The following FAAH2 variants were observed in gnomAD, a reference collection of about 807,000 sequenced individuals.
FAAH2 encodes fatty-acid amide hydrolase 2.
FAAH2 carries 60 observed loss-of-function variants against 36.9 expected under a neutral mutation model. That is an observed-to-expected ratio of 1.63 (90% CI 1.32 to 2.02). FAAH2 has a LOEUF of 2.02. Among genes scored for constraint, FAAH2 ranks in the 30% most tolerant of loss-of-function variants. The probability of loss-of-function intolerance (pLI) is 0.00; values close to 1 mark genes in which losing one functional copy is unlikely to be tolerated. For synonymous variants in FAAH2, 214 were observed against 143.8 expected (o/e 1.49, Z -3.49); for missense variants, 689 against 397.5 (o/e 1.73, Z -6.23).
At chrX:57,362,516 T>A (rs1210142437) in intron 5 of FAAH2, among the ~76,000 whole-genome samples, 2 of 111,848 alleles carry the variant, frequency 1.8e-5, no homozygotes, top group Non-Finnish European at 3.8e-5. Flanking sequence ...GTCAGATACA[T>A]AGTTTGCAAA....
chrX:57,484,234 C>G (rs2057433384), intron 10 of FAAH2, among the ~76,000 whole-genome samples: 1 of 111,129 alleles, frequency 9.0e-6, no homozygotes, highest in Non-Finnish European at 1.9e-5. Flanking sequence ...TGAGCTAGAT[C>G]GTGGTGTTCC....
chrX:57,441,226 G>C (rs200811399), intron 8 of FAAH2, among the ~76,000 whole-genome samples: 3 of 111,239 alleles, frequency 2.7e-5, no homozygotes, highest in African/African-American at 9.8e-5. Context: ...CTATGAATCT[G>C]TCTGGTTCTG....
intron 3 of FAAH2, among the ~76,000 whole-genome samples, chrX:57,316,353 T>A: frequency 1.8e-5 from 2 of 111,975 alleles, no homozygotes; most frequent in African/African-American, 6.5e-5. Flanking sequence ...CCAAAGACAT[T>A]TTTCAAAGAA....
intron 7 of FAAH2, among the ~76,000 whole-genome samples, chrX:57,426,175 T>TA (rs1184459197): frequency 1.8e-5 from 2 of 111,257 alleles, no homozygotes; most frequent in African/African-American, 3.3e-5. Flanking sequence ...TCAAGAACAG[T>TA]AAAAAAAGGT....
the FAAH2 span, among the ~76,000 whole-genome samples, chrX:57,212,095 G>A: frequency 9.0e-6 from 1 of 111,461 alleles, no homozygotes; most frequent in South Asian, 3.8e-4. Flanking sequence ...AGCCAGGCCT[G>A]TAGGTGGCAA....
the FAAH2 span, among the ~76,000 whole-genome samples, chrX:57,189,506 C>T: frequency 5.6e-4 from 61 of 109,715 alleles, no homozygotes; most frequent in African/African-American, 1.9e-3. Flanking sequence ...ACTGGTTTTT[C>T]CTCATCTTCA....
chrX:57,394,620 C>T lies in FAAH2; in HGVS notation c.996+13591C>T, dbSNP rs1454236966. The stretch of plus-strand genomic sequence containing the variant: ...ATGAGCATTGCAACCGTCATGAGCC[C>T]TAAGCCACCAGGAACGGGCCTCGTC... On this transcript the variant is annotated intron_variant, in intron 7 of 10. Coordinates refer to ENST00000374900, the MANE Select transcript of FAAH2 (RefSeq NM_174912.4). 4.8e-5 allele frequency: 54 copies of T among 1,117,184 alleles called. 1 individual carries two copies. Among genetic ancestry groups the T allele is most frequent in the Non-Finnish European group, 9.9e-6 (8 of 812,106 alleles). The allele number at this position is 1,117,184 out of a possible 1,213,427, so 92.1% of individuals were successfully genotyped here.
intron 7 of FAAH2, among the ~76,000 whole-genome samples, chrX:57,400,948 C>T (rs2055418293): frequency 9.1e-6 from 1 of 110,379 alleles, no homozygotes; most frequent in Non-Finnish European, 1.9e-5. Flanking sequence ...CAGTGAAACC[C>T]CGTTTCTACC....
chrX:57,452,901 C>G (rs1286637436), intron 10 of FAAH2, among the ~76,000 whole-genome samples: 1 of 112,214 alleles, frequency 8.9e-6, no homozygotes, highest in Non-Finnish European at 1.9e-5. Context: ...CCCTCCGCTT[C>G]TCAGATACAG....
intron 7 of FAAH2, among the ~76,000 whole-genome samples, chrX:57,381,354 G>C (rs964203735): frequency 9.1e-6 from 1 of 110,490 alleles, no homozygotes; most frequent in Non-Finnish European, 1.9e-5. Context: ...TTAGGTAATA[G>C]AGACAACATT....
the FAAH2 span, among the ~76,000 whole-genome samples, chrX:57,184,302 A>G: frequency 9.0e-6 from 1 of 111,225 alleles, no homozygotes; most frequent in Non-Finnish European, 1.9e-5. Context: ...TGTGATCTTT[A>G]TACCTACTCC....
chrX:57,238,933 C>T, the FAAH2 span, among the ~76,000 whole-genome samples: 1 of 112,057 alleles, frequency 8.9e-6, no homozygotes, highest in East Asian at 2.8e-4. Context: ...TAATAACCTC[C>T]AGTTGTATCC....
intron 10 of FAAH2, among the ~76,000 whole-genome samples, chrX:57,487,411 A>G (rs753136801): frequency 4.5e-5 from 5 of 112,143 alleles, no homozygotes; most frequent in Non-Finnish European, 9.4e-5. Flanking sequence ...CAAACATATG[A>G]AAAACTCTTA....
chrX:57,262,324 A>T, the FAAH2 span, among the ~76,000 whole-genome samples: 1 of 111,714 alleles, frequency 9.0e-6, no homozygotes, highest in Non-Finnish European at 1.9e-5. Context: ...AAATGAAACT[A>T]TAAAATTTCT....
intron 10 of FAAH2, among the ~76,000 whole-genome samples, chrX:57,476,798 T>A (rs1420620526): frequency 9.0e-6 from 1 of 111,091 alleles, no homozygotes; most frequent in Non-Finnish European, 1.9e-5. Context: ...AGAATTTGAC[T>A]GTGAATCTGT....
chrX:57,412,547 T>C (rs2055727206), intron 7 of FAAH2, among the ~76,000 whole-genome samples: 1 of 112,042 alleles, frequency 8.9e-6, no homozygotes, highest in African/African-American at 3.2e-5. Context: ...GCAAAGGACA[T>C]GAACTCATCC....
chrX:57,228,601 A>G, the FAAH2 span, among the ~76,000 whole-genome samples: 1 of 111,235 alleles, frequency 9.0e-6, no homozygotes, highest in African/African-American at 3.3e-5. Context: ...GCTAAAATTC[A>G]CAATGCAAGC....
At chrX:57,140,417 CAAAAAA>C in the FAAH2 span, among the ~76,000 whole-genome samples, 28 of 64,801 alleles carry the variant, frequency 4.3e-4, no homozygotes, top group East Asian at 3.1e-3. Flanking sequence ...CCATCTCTAC[CAAAAAA>C]AAAAAAAAAA....
At chrX:57,167,667 G>A in the FAAH2 span, among the ~76,000 whole-genome samples, 1 of 111,808 alleles carries the variant, frequency 8.9e-6, no homozygotes, top group African/African-American at 3.2e-5. Flanking sequence ...TGTTAAGGAT[G>A]TGAAGTGGTG....
Sources: allele counts gnomAD v4.1 joint callset (sites outside exome capture counted in the v4.1 genomes callset), GRCh38; gene constraint gnomAD v4.1.1; transcripts MANE v1.5; gene names NCBI Gene and HGNC (gene_info 2026-07-23, HGNC 2026-07-21).